SCRG1: variants seen among roughly 807,000 people sequenced by gnomAD.
The protein encoded by SCRG1 is stimulator of chondrogenesis 1.
SCRG1 carries 3 observed loss-of-function variants against 7.7 expected under a neutral mutation model. The ratio of observed to expected loss-of-function variants is 0.39; its 90% CI spans 0.18 to 1.01. The LOEUF is 1.01. Ranked by LOEUF, SCRG1 falls within the 50% of genes least tolerant of loss-of-function variation. SCRG1 has a pLI of 0.36. For missense variants in SCRG1, 110 were observed against 117.2 expected (o/e 0.94, Z 0.28); for synonymous variants, 46 against 41.2 (o/e 1.12, Z -0.44).
At chr4:173,390,017 T>A (rs1739378073) in intron 2 of SCRG1, 1 of 249,938 alleles carries the variant, frequency 4.0e-6, no homozygotes, top group African/African-American at 2.2e-5. Flanking sequence ...ATTTATGAAT[T>A]TATCTACCAT....
upstream of SCRG1, among the ~76,000 whole-genome samples, chr4:173,409,010 A>T (rs180865659): frequency 6.8e-6 from 1 of 146,308 alleles, no homozygotes; most frequent in Non-Finnish European, 1.5e-5. Flanking sequence ...AAAAAAAAAA[A>T]AAAAGAAAAG....
chr4:173,484,695 T>C, the SCRG1 span, among the ~76,000 whole-genome samples: 1 of 98,700 alleles, frequency 1.0e-5, no homozygotes, highest in African/African-American at 4.3e-5. Flanking sequence ...TATTATATAT[T>C]ATATGCATAT....
At chr4:173,476,850 AAAG>A in the SCRG1 span, among the ~76,000 whole-genome samples, 1 of 152,128 alleles carries the variant, frequency 6.6e-6, no homozygotes, top group Admixed American at 6.6e-5. Context: ...AAAAAATTAA[AAAG>A]AAGCCAGTAT....
chr4:173,489,310 C>T, the SCRG1 span, among the ~76,000 whole-genome samples: 2 of 152,136 alleles, frequency 1.3e-5, no homozygotes, highest in African/African-American at 4.8e-5. Context: ...AATTAAGGTC[C>T]ACATATTAGC....
chr4:173,411,795 C>A, the SCRG1 span, among the ~76,000 whole-genome samples: 1 of 143,900 alleles, frequency 6.9e-6, no homozygotes, highest in Non-Finnish European at 1.6e-5. Flanking sequence ...AAACTAAATG[C>A]TGCTTGTCTC....
chr4:173,485,002 TAA>T, the SCRG1 span, among the ~76,000 whole-genome samples: 1 of 10,278 alleles, frequency 9.7e-5, no homozygotes, highest in African/African-American at 4.2e-4. Flanking sequence ...TAATATATTA[TAA>T]ATATAATATA....
chr4:173,438,411 C>T, the SCRG1 span, among the ~76,000 whole-genome samples: 2 of 152,164 alleles, frequency 1.3e-5, no homozygotes, highest in Admixed American at 6.5e-5. Context: ...GCGTAAGCCA[C>T]TCTGTCTGAC....
At chr4:173,484,415 A>G in the SCRG1 span, among the ~76,000 whole-genome samples, 13 of 71,412 alleles carry the variant, frequency 1.8e-4, 1 homozygote, top group African/African-American at 7.1e-4. Flanking sequence ...TATACATATA[A>G]TATATATTAT....
At chr4:173,412,975 C>T in the SCRG1 span, among the ~76,000 whole-genome samples, 103 of 152,236 alleles carry the variant, frequency 6.8e-4, no homozygotes, top group African/African-American at 2.2e-3. Flanking sequence ...CCACATCTAC[C>T]GACATGTGCA....
chr4:173,414,642 T>C, the SCRG1 span, among the ~76,000 whole-genome samples: 1 of 152,208 alleles, frequency 6.6e-6, no homozygotes, highest in Non-Finnish European at 1.5e-5. Flanking sequence ...AAGGGGTGGG[T>C]GTTCTCATCT....
the SCRG1 span, among the ~76,000 whole-genome samples, chr4:173,414,791 T>C: frequency 3.3e-5 from 5 of 152,266 alleles, no homozygotes; most frequent in Non-Finnish European, 5.9e-5. Context: ...CATCCCTGAC[T>C]CTTGTAAAGG....
chr4:173,450,586 G>C, the SCRG1 span, among the ~76,000 whole-genome samples: 45 of 152,184 alleles, frequency 3.0e-4, no homozygotes, highest in African/African-American at 1.1e-3. Context: ...TTTACCTGTG[G>C]GTTCAGGATG....
At chr4:173,467,211 T>C in the SCRG1 span, among the ~76,000 whole-genome samples, 1 of 144,314 alleles carries the variant, frequency 6.9e-6, no homozygotes, top group Non-Finnish European at 1.5e-5. Context: ...TTGTCTTGTT[T>C]GAATGTGAGT....
upstream of SCRG1, among the ~76,000 whole-genome samples, chr4:173,409,588 CTTTTT>C (rs372218375): frequency 7.5e-6 from 1 of 133,332 alleles, no homozygotes; most frequent in South Asian, 2.3e-4. Flanking sequence ...TCCCTGCATA[CTTTTT>C]TTTTTTTTTT....
chr4:173,504,276 C>G, the SCRG1 span, among the ~76,000 whole-genome samples: 14 of 152,156 alleles, frequency 9.2e-5, no homozygotes, highest in Non-Finnish European at 1.8e-4. The surrounding 1 kb of genome is among the most constrained non-coding windows in gnomAD (Gnocchi z 4.7). Flanking sequence ...TGGCAAGGAG[C>G]CCAGAGGCTT....
At chr4:173,489,409 A>G in the SCRG1 span, among the ~76,000 whole-genome samples, 2 of 152,224 alleles carry the variant, frequency 1.3e-5, no homozygotes, top group Admixed American at 6.5e-5. Context: ...ATGATTTGTC[A>G]TAAGGAGAGC....
the SCRG1 span, among the ~76,000 whole-genome samples, chr4:173,481,037 G>T: frequency 1.3e-5 from 2 of 151,850 alleles, no homozygotes; most frequent in Non-Finnish European, 2.9e-5. Flanking sequence ...CTATCCATTT[G>T]GACCAGATCA....
At position 173,388,906 on chromosome 4, in the gene SCRG1, A is replaced by G. The variant is rs374546499; in HGVS notation, c.243-511T>C. ...TATACAAATGCAAGGTGATATTATA[A>G]TTATGGCTTATTAGAAATATACTTA... On this transcript the variant is annotated intron_variant, in intron 2 of 2. Coordinates refer to ENST00000296506, the MANE Select transcript of SCRG1 (RefSeq NM_007281.4). Among the ~76,000 whole-genome samples, 31 of 152,348 alleles carry G rather than the reference A, an allele frequency of 2.0e-4. No homozygotes were observed. In the East Asian group the frequency reaches 3.5e-3, roughly 17 times the overall value.
At chr4:173,433,098 C>A in the SCRG1 span, among the ~76,000 whole-genome samples, 1 of 152,170 alleles carries the variant, frequency 6.6e-6, no homozygotes, top group Non-Finnish European at 1.5e-5. Context: ...TATACATATT[C>A]TTTTCTCTTT....
Sources: gnomAD v4.1 joint callset for allele counts (sites outside exome capture counted in the v4.1 genomes callset) on GRCh38, gnomAD v4.1.1 for gene constraint, Gnocchi (gnomAD v3.1) non-coding constraint, MANE v1.5 for transcripts, NCBI Gene and HGNC (gene_info 2026-07-23, HGNC 2026-07-21) for gene names.